Variants in MTUS1 observed in about 807,000 individuals in gnomAD.
MTUS1 encodes the protein microtubule-associated tumor suppressor 1.
MTUS1 carries 109 observed loss-of-function variants against 120.8 expected under a neutral mutation model. The observed-to-expected ratio is 0.90, with a 90% confidence interval of 0.77 to 1.06. The LOEUF is 1.06. MTUS1 is among the 50% of genes least tolerant of loss of function. The pLI, the probability that MTUS1 is intolerant of heterozygous loss-of-function variation, is 0.00. For missense variants in MTUS1, 2,210 were observed against 1,486.3 expected (o/e 1.49, Z -8.01); for synonymous variants, 737 against 550.5 (o/e 1.34, Z -4.74).
At chr8:17,784,098 T>A (rs888980150) in intron 1 of MTUS1, among the ~76,000 whole-genome samples, 16 of 46,312 alleles carry the variant, frequency 3.5e-4, no homozygotes, top group African/African-American at 6.3e-4. Context: ...CAACTCTTCA[T>A]AAAGTAATCA....
intron 9 of MTUS1, among the ~76,000 whole-genome samples, chr8:17,655,286 T>TAAAAA (rs35229905): frequency 7.3e-6 from 1 of 137,076 alleles, no homozygotes; most frequent in Non-Finnish European, 1.5e-5. Flanking sequence ...CAGATGCCAC[T>TAAAAA]AAAAAAAAAA....
At chr8:17,765,004 C>A (rs1186479165) in intron 1 of MTUS1, among the ~76,000 whole-genome samples, 19 of 152,112 alleles carry the variant, frequency 1.2e-4, no homozygotes, top group Admixed American at 1.2e-3. Context: ...TCAGTGGGAG[C>A]CCTCAGTTTG....
At chr8:17,656,941 C>T (rs566389543) in intron 8 of MTUS1, among the ~76,000 whole-genome samples, 1 of 151,058 alleles carries the variant, frequency 6.6e-6, no homozygotes, top group Non-Finnish European at 1.5e-5. Context: ...CGCCTGTAGT[C>T]CCAGCTACTC....
intron 4 of MTUS1, chr8:17,716,451 A>G (rs1261107965): frequency 1.3e-5 from 2 of 152,422 alleles, no homozygotes; most frequent in Non-Finnish European, 2.9e-5. Flanking sequence ...CTCCAAAGCA[A>G]AAACATAAAA....
intron 1 of MTUS1, among the ~76,000 whole-genome samples, chr8:17,759,715 C>T (rs1371989671): frequency 1.3e-5 from 2 of 150,048 alleles, no homozygotes; most frequent in East Asian, 3.9e-4. Flanking sequence ...CTGTGGTCAG[C>T]ATTGTCTCTG....
chr8:17,790,542 G>A (rs2051690118), intron 1 of MTUS1, among the ~76,000 whole-genome samples: 1 of 151,956 alleles, frequency 6.6e-6, no homozygotes, highest in Non-Finnish European at 1.5e-5. Flanking sequence ...ATTCATGATT[G>A]TAATGATCTC....
intron 8 of MTUS1, chr8:17,674,976 G>C (rs1045785020): frequency 1.5e-5 from 20 of 1,370,036 alleles, no homozygotes; most frequent in Non-Finnish European, 1.9e-5. Context: ...GCTAGGCTTA[G>C]TCAGATCAGT....
intron 1 of MTUS1, among the ~76,000 whole-genome samples, chr8:17,764,402 C>A (rs117470024): frequency 4.3e-3 from 590 of 137,584 alleles, no homozygotes; most frequent in Non-Finnish European, 5.2e-3. Context: ...AAGAAAACTG[C>A]AAAAAAAAAA....
intron 1 of MTUS1, among the ~76,000 whole-genome samples, chr8:17,800,322 C>T (rs976870258): frequency 6.6e-6 from 1 of 152,170 alleles, no homozygotes; most frequent in African/African-American, 2.4e-5. Context: ...TTCCACGCAC[C>T]GTTTTGCCTA....
At chr8:17,720,780 G>T (rs773736994) in intron 4 of MTUS1, among the ~76,000 whole-genome samples, 1 of 152,114 alleles carries the variant, frequency 6.6e-6, no homozygotes, top group African/African-American at 2.4e-5. Flanking sequence ...TTAGGTATCT[G>T]AGTGTGAAAG....
chr8:17,708,425 T>G (rs1356823355), intron 6 of MTUS1, among the ~76,000 whole-genome samples: 1 of 152,154 alleles, frequency 6.6e-6, no homozygotes, highest in Non-Finnish European at 1.5e-5. Context: ...TAGGGATAGC[T>G]ATAATAAAAA....
intron 2 of MTUS1, among the ~76,000 whole-genome samples, chr8:17,753,423 C>G (rs895385866): frequency 1.3e-5 from 2 of 152,170 alleles, no homozygotes; most frequent in Admixed American, 1.3e-4. Flanking sequence ...GGCACTTAAA[C>G]TACTAATTAT....
intron 1 of MTUS1, among the ~76,000 whole-genome samples, chr8:17,796,428 A>G (rs916275596): frequency 2.6e-5 from 2 of 78,022 alleles, no homozygotes; most frequent in East Asian, 7.4e-4. Context: ...CCTGAAAGCT[A>G]TTTACTTAAG....
chr8:17,800,755 G>C (rs1039136548), intron 1 of MTUS1: 2 of 152,298 alleles, frequency 1.3e-5, no homozygotes, highest in African/African-American at 4.8e-5. Context: ...CTGCGAGAAG[G>C]CTGGGACCGC....
intron 3 of MTUS1, among the ~76,000 whole-genome samples, chr8:17,738,403 G>T (rs2047079475): frequency 6.6e-6 from 1 of 152,170 alleles, no homozygotes; most frequent in Non-Finnish European, 1.5e-5. Context: ...CAACTCATGT[G>T]TGTAGAGAAG....
intron 2 of MTUS1, among the ~76,000 whole-genome samples, chr8:17,745,608 G>A (rs7015140): frequency 1.2e-3 from 177 of 152,264 alleles, no homozygotes; most frequent in African/African-American, 4.0e-3. Context: ...TTCTGCCTTT[G>A]TACCCATTAG....
At chr8:17,691,510 G>C (rs1016746025) in intron 6 of MTUS1, 1 of 152,220 alleles carries the variant, frequency 6.6e-6, no homozygotes, top group Admixed American at 6.5e-5. Context: ...TTGTCTATGT[G>C]GCAAGAGGCC....
intron 8 of MTUS1, among the ~76,000 whole-genome samples, chr8:17,668,787 A>G (rs1227863673): frequency 6.6e-6 from 1 of 152,186 alleles, no homozygotes. Flanking sequence ...TACTAAGCCC[A>G]GTACCCGATA....
At position 17,713,257 on chromosome 8, in the gene MTUS1, G is replaced by C. The variant is rs1821687162; in HGVS notation, c.2585-5C>G. 6.5e-7 allele frequency: 1 copy of C among 1,530,626 alleles called. No homozygotes were observed. Among genetic ancestry groups the C allele is most frequent in the African/African-American group, 1.4e-5 (1 of 72,990 alleles). The allele number at this position is 1,530,626 out of a possible 1,614,324, so 94.8% of individuals were successfully genotyped here. A position where few individuals can be genotyped will look rare whatever the true frequency, so the allele number is the denominator to read the frequency against. On this transcript the variant is annotated splice_region_variant and splice_polypyrimidine_tract_variant and intron_variant, in intron 5 of 14. Transcript: ENST00000693296. Reference sequence around the variant, plus strand: ...ATAAATTTTTTCTCGAAGGACCTAAGATATAAAAGAAACATGTAAAATACA... The same window carrying C: ...ATAAATTTTTTCTCGAAGGACCTAACATATAAAAGAAACATGTAAAATACA...
Sources: allele counts gnomAD v4.1 joint callset (sites outside exome capture counted in the v4.1 genomes callset), GRCh38; gene constraint gnomAD v4.1.1; transcripts MANE v1.5; gene names NCBI Gene and HGNC (gene_info 2026-07-23, HGNC 2026-07-21).